Variants in EIF5 observed in about 807,000 individuals in gnomAD.
The protein encoded by EIF5 is eukaryotic translation initiation factor 5.
EIF5 carries 10 observed loss-of-function variants against 48.3 expected under a neutral mutation model. The ratio of observed to expected loss-of-function variants is 0.21; its 90% confidence interval spans 0.13 to 0.35. EIF5 has a LOEUF of 0.35. Among genes scored for constraint, EIF5 ranks in the 10% least tolerant of loss-of-function variants. The pLI is 1.00. For synonymous variants in EIF5, 237 were observed against 173.1 expected, an observed-to-expected ratio of 1.37 and a Z score of -2.90; for missense variants, 397 against 533.2, an observed-to-expected ratio of 0.74 and a Z score of 2.51.
At position 103,341,627 on chromosome 14, in the gene EIF5, C is replaced by G. The variant is rs2089353675; in HGVS notation, c.*575C>G. The G allele has an allele frequency of 1.3e-5, 2 of 152,788 alleles. No homozygotes were observed. The highest frequency in any genetic ancestry group is 1.9e-4 in the East Asian group (1 of 5,194). 9.5% of individuals were successfully genotyped at this position (152,788 alleles called of 1,614,324 possible). On this transcript the variant is annotated 3_prime_UTR_variant, in exon 12 of 12. Transcript: ENST00000216554. ...GTGAGGTAGACTGATAATGAAATGACAGTGTAACATCTTAACCAAGAAGTA... is the reference window on the plus strand; with the variant it reads ...GTGAGGTAGACTGATAATGAAATGAGAGTGTAACATCTTAACCAAGAAGTA...
At position 103,341,292 on chromosome 14, in the gene EIF5, AGTG is replaced by A; in HGVS notation, c.*245_*247del. The A allele has an allele frequency of 4.7e-6, 2 of 427,226 alleles. No individual in the cohort carries two copies. The highest frequency in any genetic ancestry group is 6.1e-5 in the South Asian group (2 of 32,818). 26.5% of individuals were successfully genotyped at this position (427,226 alleles called of 1,614,324 possible). ...ATAGCATGTTTCTTTTTGAAAAACT[AGTG>A]GTGGACACATTTGGATCACATTTAT... On this transcript the variant is annotated 3_prime_UTR_variant, in exon 12 of 12. Transcript: ENST00000216554.
chr14:103,337,147 A>C lies in EIF5; in HGVS notation c.359A>C (p.Asn120Thr). Reference protein sequence around the residue: ...HVNPKKQTIGNSCKACGYRGM... With the variant: ...HVNPKKQTIGTSCKACGYRGM... The stretch of plus-strand genomic sequence containing the variant: ...AATCCAAAGAAGCAAACAATAGGTA[A>C]TTCTTGTAAAGCCTGTGGCTATCGA... The change falls in exon 6 of 12, where the codon AAT (asparagine) becomes ACT (threonine). Residue 120 changes from asparagine (N) to threonine (T), a missense_variant. By Grantham distance (65) the Asn-to-Thr change is moderately conservative. Transcript: ENST00000216554. 6.2e-7 allele frequency: 1 copy of C among 1,612,382 alleles called. No homozygotes were observed. Among genetic ancestry groups the C allele is most frequent in the Non-Finnish European group, 8.5e-7 (1 of 1,179,614 alleles).
chr14:103,341,160 C>A lies in EIF5; in HGVS notation c.*108C>A. The A allele has an allele frequency of 1.1e-6, 1 of 922,070 alleles. No homozygotes were observed. Among genetic ancestry groups the A allele is most frequent in the Non-Finnish European group, 1.7e-6 (1 of 577,286 alleles). The allele number at this position is 922,070 out of a possible 1,614,324, so 57.1% of individuals were successfully genotyped here. ...AAAGCTAAAATGGCTTAACATCATG[C>A]TACACTTTACACTAAAAATCTATTA... On this transcript the variant is annotated 3_prime_UTR_variant, in exon 12 of 12. Transcript: ENST00000216554.
rs2089390536 is a variant in EIF5 at position 103,344,526 on chromosome 14, T to TAA, written c.*3474_*3475insAA. 6.6e-6 allele frequency: 1 copy of TAA among 152,246 alleles called. No homozygotes were observed. Among genetic ancestry groups the TAA allele is most frequent in the Admixed American group, 6.5e-5 (1 of 15,276 alleles). 9.4% of individuals were successfully genotyped at this position (152,246 alleles called of 1,614,324 possible). On this transcript the variant is annotated 3_prime_UTR_variant, in exon 12 of 12. Coordinates refer to ENST00000216554, the MANE Select transcript of EIF5 (RefSeq NM_001969.5). ...ATTTGGATTCTGTCCCAGGCCTTAC[T>TAA]GTAAAACTAGGGGATTGCCTTTCCA...
rs1842057654 is a variant in EIF5 at position 103,341,310 on chromosome 14, A to G, written c.*258A>G. ...AAAAACTAGTGGTGGACACATTTGG[A>G]TCACATTTATACAGTTATAAAAATA... On this transcript the variant is annotated 3_prime_UTR_variant, in exon 12 of 12. Coordinates refer to ENST00000216554, the MANE Select transcript of EIF5 (RefSeq NM_001969.5). 1 of 386,428 alleles carries G rather than the reference A, an allele frequency of 2.6e-6. No individual in the cohort carries two copies. Among genetic ancestry groups the G allele is most frequent in the Non-Finnish European group, 4.9e-6 (1 of 205,596 alleles). 23.9% of individuals were successfully genotyped at this position (386,428 alleles called of 1,614,324 possible).
intron 9 of EIF5, 39 bp downstream of exon 9, chr14:103,339,372 T>C (rs2089326535): frequency 6.4e-7 from 1 of 1,562,124 alleles, no homozygotes; most frequent in African/African-American, 1.4e-5. Flanking sequence ...GAGATTACAG[T>C]TGTGTGGCTT....
Position 103,341,162 on chromosome 14 carries a change from A to T in EIF5, c.*110A>T. 1 of 895,340 alleles carries T rather than the reference A, an allele frequency of 1.1e-6. No individual in the cohort carries two copies. Among genetic ancestry groups the T allele is most frequent in the Non-Finnish European group, 1.8e-6 (1 of 556,832 alleles). 55.5% of individuals were successfully genotyped at this position (895,340 alleles called of 1,614,324 possible). ...AGCTAAAATGGCTTAACATCATGCT[A>T]CACTTTACACTAAAAATCTATTACT... is the stretch of plus-strand genomic sequence containing the variant. On this transcript the variant is annotated 3_prime_UTR_variant, in exon 12 of 12. Coordinates refer to ENST00000216554, the MANE Select transcript of EIF5 (RefSeq NM_001969.5).
At position 103,343,458 on chromosome 14, in the gene EIF5, A is replaced by G. The variant is rs1340389163; in HGVS notation, c.*2406A>G. ...CAGCTATGTAACTGTGAATAATTGT[A>G]TATATCTCTAGTTAAGAATGAGGGA... On this transcript the variant is annotated 3_prime_UTR_variant, in exon 12 of 12. Transcript: ENST00000216554. 6.6e-6 allele frequency: 1 copy of G among 152,234 alleles called. No homozygotes were observed. Among genetic ancestry groups the G allele is most frequent in the Non-Finnish European group, 1.5e-5 (1 of 68,046 alleles). The allele number at this position is 152,234 out of a possible 1,614,324, so 9.4% of individuals were successfully genotyped here. A position where few individuals can be genotyped will look rare whatever the true frequency, so the allele number is the denominator to read the frequency against.
chr14:103,338,049 C>G, intron 6 of EIF5: 1 of 583,346 alleles, frequency 1.7e-6, no homozygotes, highest in Admixed American at 2.2e-5. Context: ...CTTAGGGCCA[C>G]CTCTCCCTAG....
chr14:103,338,582 ATAT>A, intron 7 of EIF5, 110 bp downstream of exon 7: 1 of 1,489,722 alleles, frequency 6.7e-7, no homozygotes. Flanking sequence ...TAATACACTA[ATAT>A]TGTGGATTCC....
intron 2 of EIF5, 33 bp from the exon 3 acceptor site, chr14:103,335,620 G>A (rs906281822): frequency 2.3e-5 from 13 of 557,214 alleles, no homozygotes; most frequent in Admixed American, 6.4e-5. Context: ...AACCTGGGGG[G>A]ATTTTTGTGT....
intron 9 of EIF5, 115 bp from the exon 10 acceptor site, chr14:103,339,523 CT>C (rs2140361708): frequency 6.6e-7 from 1 of 1,507,356 alleles, no homozygotes; most frequent in Non-Finnish European, 9.1e-7. Flanking sequence ...ATGCATTGAC[CT>C]TTTTGAACAA....
chr14:103,344,737 A>G lies in EIF5; in HGVS notation c.*3685A>G, dbSNP rs894285009. 5 of 152,124 alleles carry G rather than the reference A, an allele frequency of 3.3e-5. No individual in the cohort carries two copies. The highest frequency in any genetic ancestry group is 1.3e-4 in the Admixed American group (2 of 15,276). 9.4% of individuals were successfully genotyped at this position (152,124 alleles called of 1,614,324 possible). On this transcript the variant is annotated 3_prime_UTR_variant, in exon 12 of 12. Transcript: ENST00000216554. ...AAAAATCAAGTCTTTAGGAGAGTAG[A>G]AAACACAATTAACTAAAAAGCAGGG...
chr14:103,343,184 T>G lies in EIF5; in HGVS notation c.*2132T>G, dbSNP rs879246895. On this transcript the variant is annotated 3_prime_UTR_variant, in exon 12 of 12. Transcript: ENST00000216554. Reference sequence around the variant, plus strand: ...TGATAAAATTGTATTTTGTCTTTGCTTTAATATTAAAGTTAACAAGTTTTC... The same window carrying G: ...TGATAAAATTGTATTTTGTCTTTGCGTTAATATTAAAGTTAACAAGTTTTC... 9 of 152,770 alleles carry G rather than the reference T, an allele frequency of 5.9e-5. No homozygotes were observed. The highest frequency in any genetic ancestry group is 6.8e-3 in the Middle Eastern group (2 of 294). The allele number at this position is 152,770 out of a possible 1,614,324, so 9.5% of individuals were successfully genotyped here.
rs1255026170 is a variant in EIF5, at chr14:103,342,027, T to C, written c.*975T>C. 6.5e-6 allele frequency: 1 copy of C among 152,682 alleles called. No individual in the cohort carries two copies. Among genetic ancestry groups the C allele is most frequent in the African/African-American group, 2.4e-5 (1 of 41,466 alleles). 9.5% of individuals were successfully genotyped at this position (152,682 alleles called of 1,614,324 possible). On this transcript the variant is annotated 3_prime_UTR_variant, in exon 12 of 12. Transcript: ENST00000216554. ...GCTTTAATTTTCCCCTCTTGCAGTT[T>C]GTTCTGTAATGCCTTTTACATTTGG...
At chr14:103,335,167 A>G (rs1383298482) in intron 2 of EIF5, 2 of 152,334 alleles carry the variant, frequency 1.3e-5, no homozygotes, top group East Asian at 3.8e-4. Context: ...CGCTGCGTTT[A>G]AGGAAGTGCT....
At chr14:103,336,222 A>C in intron 4 of EIF5, 105 bp downstream of exon 4, 3 of 1,155,438 alleles carry the variant, frequency 2.6e-6, no homozygotes, top group Non-Finnish European at 3.7e-6. Context: ...ATTACCTTAC[A>C]AGTTAAGTGA....
chr14:103,337,943 A>G (rs748796284), intron 6 of EIF5: 17 of 530,272 alleles, frequency 3.2e-5, no homozygotes, highest in South Asian at 1.7e-4. Flanking sequence ...TCTCTCTCCC[A>G]TGAGACAAGC....
intron 6 of EIF5, 54 bp from the exon 7 acceptor site, chr14:103,338,273 A>G (rs1302298746): frequency 1.3e-6 from 2 of 1,588,098 alleles, no homozygotes; most frequent in Non-Finnish European, 1.7e-6. Flanking sequence ...AATGATGGGC[A>G]ATGAGGTAAT....
Sources: allele counts gnomAD v4.1 joint callset, GRCh38; gene constraint gnomAD v4.1.1; transcripts MANE v1.5; gene names NCBI Gene and HGNC (gene_info 2026-07-23, HGNC 2026-07-21).